The following AVL9 variants were observed in gnomAD, a reference collection of about 807,000 sequenced individuals.
AVL9 encodes AVL9 cell migration associated.
Under a neutral mutation model 79.2 loss-of-function variants are expected in AVL9, and 49 were observed. The observed-to-expected ratio is 0.62, with a 90% CI of 0.49 to 0.79. AVL9 has a LOEUF of 0.79. Among genes scored for constraint, AVL9 ranks in the 30% least tolerant of loss-of-function variants. The pLI is 0.00. For synonymous variants in AVL9, 299 were observed against 280.6 expected (o/e 1.07, Z -0.65); for missense variants, 682 against 776.8 (o/e 0.88, Z 1.45).
chr7:32,583,148 T>C (rs758731599), intron 15 of AVL9, among the ~76,000 whole-genome samples: 1 of 152,222 alleles, frequency 6.6e-6, no homozygotes, highest in Non-Finnish European at 1.5e-5. Context: ...GATTATCAAG[T>C]TGGTATTGAA....
intron 1 of AVL9, chr7:32,537,091 G>A (rs1788947393): frequency 6.6e-6 from 1 of 152,190 alleles, no homozygotes; most frequent in Admixed American, 6.5e-5. Context: ...GTTCCTGGGA[G>A]GTCAAGGGGT....
At chr7:32,578,214 G>A (rs569236243) in intron 13 of AVL9, among the ~76,000 whole-genome samples, 3 of 152,244 alleles carry the variant, frequency 2.0e-5, no homozygotes, top group East Asian at 3.9e-4. Context: ...AAACTTCACA[G>A]GTAGCAGCCC....
intron 1 of AVL9, among the ~76,000 whole-genome samples, chr7:32,516,648 T>C (rs1397342658): frequency 6.6e-6 from 1 of 152,012 alleles, no homozygotes; most frequent in East Asian, 1.9e-4. Context: ...ATTCCATGCT[T>C]TGAGCCCTCC....
intron 1 of AVL9, among the ~76,000 whole-genome samples, chr7:32,525,963 G>A (rs1788384033): frequency 6.6e-6 from 1 of 152,138 alleles, no homozygotes; most frequent in Non-Finnish European, 1.5e-5. Flanking sequence ...GGTTCATTGA[G>A]TGAAAAGGGA....
At position 32,576,080 on chromosome 7, in the gene AVL9, C is replaced by T. The variant is rs144388719; in HGVS notation, c.1688+8C>T. 40 of 1,585,122 alleles carry T rather than the reference C, an allele frequency of 2.5e-5. No individual in the cohort carries two copies. In the East Asian group the frequency reaches 3.8e-4, roughly 15 times the overall value. On this transcript the variant is annotated splice_region_variant and intron_variant, in intron 13 of 15. Coordinates refer to ENST00000318709, the MANE Select transcript of AVL9 (RefSeq NM_015060.3). ...TGCAGAAATAAATCCAAAGTAAGCG[C>T]GTCCTCTGAAGATTGATAGTACATA...
chr7:32,495,597 C>T lies in AVL9; in HGVS notation c.-113C>T, dbSNP rs1157961992. On this transcript the variant is annotated 5_prime_UTR_variant, in exon 1 of 16. Transcript: ENST00000318709. ...TCCACCGATCTCCCTGTGCGGCCCT[C>T]ATGTGCTGTGCTCGCTGACACCCGA... The T allele has an allele frequency of 2.8e-5, 17 of 604,202 alleles. No individual in the cohort carries two copies. In the East Asian group the frequency reaches 5.9e-4, roughly 21 times the overall value. The allele number at this position is 604,202 out of a possible 1,614,324, so 37.4% of individuals were successfully genotyped here.
At chr7:32,527,159 A>G (rs997468184) in intron 1 of AVL9, among the ~76,000 whole-genome samples, 4 of 152,198 alleles carry the variant, frequency 2.6e-5, no homozygotes, top group Non-Finnish European at 4.4e-5. Context: ...AACAGCTGAT[A>G]AAACAAGGGA....
intron 1 of AVL9, among the ~76,000 whole-genome samples, chr7:32,526,167 C>T (rs1312044608): frequency 1.3e-5 from 2 of 152,078 alleles, no homozygotes; most frequent in African/African-American, 4.8e-5. Context: ...CTCCAGGGAC[C>T]CCTTTTTACT....
intron 1 of AVL9, among the ~76,000 whole-genome samples, chr7:32,524,201 C>T (rs1473471413): frequency 6.6e-6 from 1 of 151,970 alleles, no homozygotes; most frequent in African/African-American, 2.4e-5. Context: ...AGTTGTGACT[C>T]CTTTACCTGT....
chr7:32,582,962 G>C lies in AVL9; in HGVS notation c.1832-830G>C, dbSNP rs560900133. Among the ~76,000 whole-genome samples the C allele has an allele frequency of 2.6e-5, 4 of 152,286 alleles. No individual in the cohort carries two copies. In the South Asian group the frequency reaches 8.3e-4, roughly 32 times the overall value. ...GCTTCCCAAAGTGCTGGGATTACAG[G>C]TGTGAGCCACCATGCCTGGCCTAAC... On this transcript the variant is annotated intron_variant, in intron 15 of 15. Coordinates refer to ENST00000318709, the MANE Select transcript of AVL9 (RefSeq NM_015060.3).
intron 6 of AVL9, among the ~76,000 whole-genome samples, chr7:32,552,776 G>A (rs1190776168): frequency 6.6e-6 from 1 of 152,030 alleles, no homozygotes; most frequent in Non-Finnish European, 1.5e-5. Context: ...TGGTGCCCAG[G>A]CTGGAATTTC....
intron 13 of AVL9, among the ~76,000 whole-genome samples, chr7:32,576,740 C>T (rs960631417): frequency 6.6e-6 from 1 of 151,848 alleles, no homozygotes. Flanking sequence ...GAGTCAAGAT[C>T]ATGCCATTAC....
At chr7:32,548,697 A>G (rs1789652808) in intron 3 of AVL9, 150 bp from the exon 4 acceptor site, 1 of 507,386 alleles carries the variant, frequency 2.0e-6, no homozygotes, top group African/African-American at 2.0e-5. Context: ...TTATTTGTTC[A>G]GTATTTCCTG....
In AVL9 at chr7:32,498,883, G is replaced by A. The variant is rs1278242627; in HGVS notation, c.93+3081G>A. On this transcript the variant is annotated intron_variant, in intron 1 of 15. Transcript: ENST00000318709. ...CATTTAACAAGGGATACTAAGTGTG[G>A]CCGGGTGCAGTAGCTCATGCCTGTA... Among the ~76,000 whole-genome samples, 5 of 149,870 alleles carry A rather than the reference G, an allele frequency of 3.3e-5. No homozygotes were observed. The South Asian group carries it at 8.6e-4, about 26-fold the overall frequency.
chr7:32,552,236 A>G lies in AVL9; in HGVS notation c.470A>G (p.Tyr157Cys). Residue 157 changes from tyrosine to cysteine, a missense_variant, in exon 6 of 16, where the codon TAT becomes TGT. Physicochemically the swap from Tyr to Cys is radical, Grantham distance 194. Coordinates refer to ENST00000318709, the MANE Select transcript of AVL9 (RefSeq NM_015060.3). ...TCAATCTATATTTTATAGGAGCTTT[A>G]TGAACATATGAATAGTTCCTTGGGA... The part of the protein sequence containing the change: ...FSQISILKEL[Y>C]EHMNSSLGGA... 3.2e-6 allele frequency: 5 copies of G among 1,585,724 alleles called. No individual in the cohort carries two copies. Among genetic ancestry groups the G allele is most frequent in the Non-Finnish European group, 4.3e-6 (5 of 1,155,938 alleles).
At chr7:32,558,460 G>T (rs1790181497) in intron 8 of AVL9, 99 bp from the exon 9 acceptor site, 3 of 924,766 alleles carry the variant, frequency 3.2e-6, no homozygotes, top group Non-Finnish European at 5.0e-6. Context: ...CCGGCCAGCT[G>T]TTATTCTTAT....
Position 32,579,409 on chromosome 7 carries a change from ATAATATG to A in AVL9, c.1689-808_1689-802del, listed in dbSNP as rs1791273382. On this transcript the variant is annotated intron_variant, in intron 13 of 15. Coordinates refer to ENST00000318709, the MANE Select transcript of AVL9 (RefSeq NM_015060.3). Reference sequence around the variant, plus strand: ...ACATATTATATGTTATATATTATATATAATATGTTATATATATAATATATATATTATA... The same window carrying A: ...ACATATTATATGTTATATATTATATATTATATATATAATATATATATTATA... Among the ~76,000 whole-genome samples the A allele has an allele frequency of 1.7e-3, 7 of 4,228 alleles. 1 individual carries two copies. Among genetic ancestry groups the A allele is most frequent in the African/African-American group, 4.6e-3 (7 of 1,524 alleles). 2.8% of individuals were successfully genotyped at this position (4,228 alleles called of 152,430 possible).
intron 10 of AVL9, among the ~76,000 whole-genome samples, chr7:32,562,219 A>C (rs1188707944): frequency 6.6e-6 from 1 of 152,186 alleles, no homozygotes; most frequent in Non-Finnish European, 1.5e-5. Context: ...TAGAAAAAGC[A>C]CAATAAAGTG....
intron 14 of AVL9, among the ~76,000 whole-genome samples, chr7:32,580,584 C>T (rs928862222): frequency 6.6e-6 from 1 of 152,104 alleles, no homozygotes; most frequent in African/African-American, 2.4e-5. Context: ...CTTTTTGGTT[C>T]ATCTGTATGT....
Sources: gnomAD v4.1 joint callset for allele counts (sites outside exome capture counted in the v4.1 genomes callset) on GRCh38, gnomAD v4.1.1 for gene constraint, MANE v1.5 for transcripts, NCBI Gene and HGNC (gene_info 2026-07-23, HGNC 2026-07-21) for gene names.